The following ROBO1 variants were observed in gnomAD, a reference collection of about 807,000 sequenced individuals.
ROBO1 encodes roundabout guidance receptor 1.
ROBO1 carries 149 observed loss-of-function variants against 195.9 expected under a neutral mutation model. That is an observed-to-expected ratio of 0.76 (90% confidence interval 0.67 to 0.87). The LOEUF (loss-of-function observed/expected upper bound fraction) is 0.87, where lower values mean the gene tolerates loss of function less well. Among genes scored for constraint, ROBO1 ranks in the 40% least tolerant of loss-of-function variants. The pLI, the probability that ROBO1 is intolerant of heterozygous loss-of-function variation, is 0.00. For missense variants in ROBO1, 1,933 were observed against 2,068.3 expected (o/e 0.93, Z 1.27); for synonymous variants, 816 against 733.2 (o/e 1.11, Z -1.82).
rs536173825 is a variant in ROBO1 at position 79,408,979 on chromosome 3, A to G, written c.88+180845T>C. On this transcript the variant is annotated intron_variant, in intron 2 of 30. Coordinates refer to ENST00000464233, the MANE Select transcript of ROBO1 (RefSeq NM_002941.4). ...TCAAGAAAATACACTTTGAGTTTCT[A>G]TGATGTGTCAGACATTCTAGGTTAT... Among the ~76,000 whole-genome samples the G allele has an allele frequency of 3.6e-4, 55 of 152,238 alleles. No individual in the cohort carries two copies. In the South Asian group the frequency reaches 8.3e-3, roughly 23 times the overall value.
chr3:78,727,416 G>A (rs1358821002), intron 5 of ROBO1, among the ~76,000 whole-genome samples: 1 of 152,082 alleles, frequency 6.6e-6, no homozygotes, highest in African/African-American at 2.4e-5. Flanking sequence ...CACAAGGTCA[G>A]GAGATTGAGA....
At chr3:79,647,838 A>C (rs1945878052) in intron 1 of ROBO1, among the ~76,000 whole-genome samples, 1 of 152,042 alleles carries the variant, frequency 6.6e-6, no homozygotes, top group Non-Finnish European at 1.5e-5. Flanking sequence ...GAGAAAAAAA[A>C]CCGATTCCCG....
At chr3:79,200,181 C>A (rs2081735712) in intron 2 of ROBO1, among the ~76,000 whole-genome samples, 1 of 151,652 alleles carries the variant, frequency 6.6e-6, no homozygotes, top group Admixed American at 6.6e-5. Context: ...GATTAGTCAC[C>A]ATTTAAATTC....
intron 1 of ROBO1, among the ~76,000 whole-genome samples, chr3:79,668,903 C>T (rs1576204870): frequency 6.6e-6 from 1 of 151,792 alleles, no homozygotes; most frequent in African/African-American, 2.4e-5. Flanking sequence ...ATGAACAGAA[C>T]TTTGTAAATT....
intron 1 of ROBO1, among the ~76,000 whole-genome samples, chr3:79,734,029 C>T (rs1703270280): frequency 6.6e-6 from 1 of 151,158 alleles, no homozygotes; most frequent in Admixed American, 6.6e-5. Flanking sequence ...CTCACTGCAA[C>T]CTCCGCCTCC....
At chr3:79,600,834 T>C (rs1363574263) in intron 1 of ROBO1, among the ~76,000 whole-genome samples, 4 of 152,022 alleles carry the variant, frequency 2.6e-5, no homozygotes, top group African/African-American at 4.8e-5. Flanking sequence ...AACAAAAACA[T>C]GAATATACCA....
rs138141200 is a variant in ROBO1, at chr3:79,270,179, T to TTCTCTCTCTC, written c.89-144650_89-144641dup. Among the ~76,000 whole-genome samples, 642 of 140,730 alleles carry TTCTCTCTCTC rather than the reference T, an allele frequency of 4.6e-3. 1 individual carries two copies. The highest frequency in any genetic ancestry group is 0.014 in the African/African-American group (538 of 37,176). The allele number at this position is 140,730 out of a possible 152,430, so 92.3% of individuals were successfully genotyped here. A position where few individuals can be genotyped will look rare whatever the true frequency, so the allele number is the denominator to read the frequency against. ...ATTTGGATAGTTTACATACATAATG[T>TTCTCTCTCTC]TCTCTCTCTCTCTCTCTCTCTCTCT... On this transcript the variant is annotated intron_variant, in intron 2 of 30. Coordinates refer to ENST00000464233, the MANE Select transcript of ROBO1 (RefSeq NM_002941.4).
At chr3:79,463,692 G>A (rs1167257964) in intron 2 of ROBO1, among the ~76,000 whole-genome samples, 1 of 152,060 alleles carries the variant, frequency 6.6e-6, no homozygotes, top group Non-Finnish European at 1.5e-5. Context: ...GTTAATAATT[G>A]TTCTCATTAA....
At chr3:79,054,430 A>G (rs562832738) in intron 3 of ROBO1, among the ~76,000 whole-genome samples, 39 of 152,210 alleles carry the variant, frequency 2.6e-4, no homozygotes, top group Admixed American at 1.4e-3. Flanking sequence ...AATGTGAACC[A>G]TGAGTGTAAA....
intron 2 of ROBO1, among the ~76,000 whole-genome samples, chr3:79,350,611 C>A (rs1295513268): frequency 6.6e-6 from 1 of 151,970 alleles, no homozygotes; most frequent in African/African-American, 2.4e-5. Flanking sequence ...ACTTGGCTAA[C>A]AAAGGAAAAA....
intron 1 of ROBO1, among the ~76,000 whole-genome samples, chr3:79,637,727 G>T (rs1945537889): frequency 6.6e-6 from 1 of 152,048 alleles, no homozygotes; most frequent in Non-Finnish European, 1.5e-5. Flanking sequence ...ATAACACAAT[G>T]CTTTATTTTT....
At chr3:79,226,223 G>A (rs946187023) in intron 2 of ROBO1, among the ~76,000 whole-genome samples, 6 of 151,976 alleles carry the variant, frequency 3.9e-5, no homozygotes, top group African/African-American at 1.5e-4. Flanking sequence ...CATCTGCGTG[G>A]CAAAGATTCT....
At chr3:79,621,318 C>T (rs1476699087) in intron 1 of ROBO1, among the ~76,000 whole-genome samples, 1 of 152,134 alleles carries the variant, frequency 6.6e-6, no homozygotes, top group Non-Finnish European at 1.5e-5. Context: ...ATAAAACTGC[C>T]CCACCCCTAT....
At chr3:79,560,874 G>A (rs1157697005) in intron 2 of ROBO1, among the ~76,000 whole-genome samples, 1 of 152,072 alleles carries the variant, frequency 6.6e-6, no homozygotes, top group Non-Finnish European at 1.5e-5. Context: ...TAAGAAAAAT[G>A]CCAACAATTG....
chr3:78,721,599 T>C (rs779265329), intron 5 of ROBO1, among the ~76,000 whole-genome samples: 3 of 152,158 alleles, frequency 2.0e-5, no homozygotes, highest in South Asian at 2.1e-4. Flanking sequence ...TCTCTTTGTT[T>C]TAAGAGTGAG....
At chr3:79,412,381 T>G (rs986357325) in intron 2 of ROBO1, among the ~76,000 whole-genome samples, 1 of 152,144 alleles carries the variant, frequency 6.6e-6, no homozygotes, top group Non-Finnish European at 1.5e-5. Flanking sequence ...TCTCATAACA[T>G]GATAATAAGG....
intron 4 of ROBO1, among the ~76,000 whole-genome samples, chr3:78,908,665 G>A (rs1157548931): frequency 1.3e-5 from 2 of 151,672 alleles, no homozygotes; most frequent in Non-Finnish European, 3.0e-5. Context: ...GTTTACCTCG[G>A]CTTTCTTCTA....
chr3:79,255,820 G>A (rs888721392), intron 2 of ROBO1, among the ~76,000 whole-genome samples: 10 of 152,134 alleles, frequency 6.6e-5, no homozygotes, highest in African/African-American at 2.4e-4. Context: ...ACAGCAGGAA[G>A]AAGTGCATTG....
chr3:79,339,583 A>C (rs1340083366), intron 2 of ROBO1, among the ~76,000 whole-genome samples: 2 of 151,944 alleles, frequency 1.3e-5, no homozygotes, highest in East Asian at 3.9e-4. Flanking sequence ...ATCTAATTGC[A>C]CCCTCCCTGA....
Sources: allele counts gnomAD v4.1 joint callset (sites outside exome capture counted in the v4.1 genomes callset), GRCh38; gene constraint gnomAD v4.1.1; transcripts MANE v1.5; gene names NCBI Gene and HGNC (gene_info 2026-07-23, HGNC 2026-07-21).